The following SPOCK1 variants were observed in gnomAD, a reference collection of about 807,000 sequenced individuals.
The protein encoded by SPOCK1 is SPARC (osteonectin), cwcv and kazal like domains proteoglycan 1.
In SPOCK1, 23 loss-of-function variants were observed where a neutral mutation model predicts 55.3. That is an observed-to-expected ratio of 0.42 (90% CI 0.30 to 0.59). The LOEUF is 0.59. Among genes scored for constraint, SPOCK1 ranks in the 20% least tolerant of loss-of-function variants. The probability of loss-of-function intolerance (pLI) is 0.22; values close to 1 mark genes in which losing one functional copy is unlikely to be tolerated. For missense variants in SPOCK1, 499 were observed against 552.5 expected (o/e 0.90, Z 0.97); for synonymous variants, 226 against 221.0 (o/e 1.02, Z -0.20).
At chr5:137,394,442 C>A (rs1198272007) in intron 2 of SPOCK1, among the ~76,000 whole-genome samples, 1 of 152,204 alleles carries the variant, frequency 6.6e-6, no homozygotes, top group African/African-American at 2.4e-5. Context: ...CTTAGTATCA[C>A]AAAGGACAGC....
At chr5:137,223,854 G>T (rs1328722146) in intron 3 of SPOCK1, among the ~76,000 whole-genome samples, 1 of 152,120 alleles carries the variant, frequency 6.6e-6, no homozygotes, top group African/African-American at 2.4e-5. Flanking sequence ...AGGGTCATTT[G>T]TGGGCATCAG....
At chr5:137,027,517 G>T (rs980868621) in intron 6 of SPOCK1, among the ~76,000 whole-genome samples, 4 of 152,140 alleles carry the variant, frequency 2.6e-5, no homozygotes, top group African/African-American at 9.7e-5. Flanking sequence ...TCATGTGTGG[G>T]CTATTGAGTA....
chr5:136,998,248 T>G (rs538201234), intron 6 of SPOCK1, among the ~76,000 whole-genome samples: 1 of 152,342 alleles, frequency 6.6e-6, no homozygotes, highest in East Asian at 1.9e-4. Flanking sequence ...CATGGGTCAG[T>G]AGAAGTCCAA....
At chr5:137,450,828 A>G (rs1276010044) in intron 2 of SPOCK1, among the ~76,000 whole-genome samples, 1 of 151,632 alleles carries the variant, frequency 6.6e-6, no homozygotes, top group African/African-American at 2.4e-5. Flanking sequence ...TTCTATCTCC[A>G]TGCTGCATCC....
chr5:137,098,470 A>G (rs12332450), intron 5 of SPOCK1, among the ~76,000 whole-genome samples: 49,078 of 152,108 alleles, frequency 0.32, 8,153 homozygotes, highest in African/African-American at 0.38. Context: ...GATGACTTTA[A>G]AGAGACCACC....
intron 2 of SPOCK1, among the ~76,000 whole-genome samples, chr5:137,323,372 A>AT (rs1386226029): frequency 6.6e-6 from 1 of 152,228 alleles, no homozygotes; most frequent in Non-Finnish European, 1.5e-5. Context: ...CAGGGTGGTC[A>AT]TATGTATTCA....
At chr5:137,194,933 G>C (rs1158064693) in intron 3 of SPOCK1, among the ~76,000 whole-genome samples, 6 of 152,148 alleles carry the variant, frequency 3.9e-5, no homozygotes, top group Non-Finnish European at 8.8e-5. Flanking sequence ...GTCTGGTCAG[G>C]CTCCACAGGT....
At chr5:137,317,249 A>C (rs1159522032) in intron 2 of SPOCK1, among the ~76,000 whole-genome samples, 2 of 152,232 alleles carry the variant, frequency 1.3e-5, no homozygotes, top group Non-Finnish European at 2.9e-5. Flanking sequence ...AGAAATGTTC[A>C]GTCAAGAAGC....
chr5:137,265,665 C>T (rs559358307), intron 3 of SPOCK1, among the ~76,000 whole-genome samples: 4 of 152,192 alleles, frequency 2.6e-5, no homozygotes, highest in East Asian at 3.9e-4. Context: ...AGAATAATTC[C>T]GTTACCACTC....
intron 3 of SPOCK1, among the ~76,000 whole-genome samples, chr5:137,150,348 G>A (rs1254655276): frequency 6.6e-6 from 1 of 152,030 alleles, no homozygotes; most frequent in Admixed American, 6.6e-5. Context: ...GTAAGGGCTG[G>A]GAATAAAGGA....
At chr5:137,397,313 T>A (rs1179196306) in intron 2 of SPOCK1, among the ~76,000 whole-genome samples, 1 of 152,198 alleles carries the variant, frequency 6.6e-6, no homozygotes, top group South Asian at 2.1e-4. Context: ...TGGGTATGTG[T>A]GGATGCCAGT....
At chr5:137,032,958 T>C (rs369398048) in intron 6 of SPOCK1, among the ~76,000 whole-genome samples, 7 of 152,122 alleles carry the variant, frequency 4.6e-5, no homozygotes, top group African/African-American at 1.4e-4. Context: ...GAAGAAGAGA[T>C]GCACAAGAAC....
chr5:137,357,532 G>A (rs1420555932), intron 2 of SPOCK1, among the ~76,000 whole-genome samples: 1 of 152,166 alleles, frequency 6.6e-6, no homozygotes, highest in African/African-American at 2.4e-5. Context: ...GGTCAGGGAA[G>A]GCTACGCAGA....
chr5:137,129,280 T>C (rs539443573), intron 4 of SPOCK1, among the ~76,000 whole-genome samples: 1 of 152,340 alleles, frequency 6.6e-6, no homozygotes, highest in South Asian at 2.1e-4. Context: ...GGCTGTTCCC[T>C]CCACTGAGAA....
chr5:137,061,127 G>A (rs768967186), intron 6 of SPOCK1, among the ~76,000 whole-genome samples: 1 of 152,170 alleles, frequency 6.6e-6, no homozygotes, highest in African/African-American at 2.4e-5. Context: ...TAAATTCCAA[G>A]TTTGCAAGCC....
chr5:137,019,248 T>G (rs1167386917), intron 6 of SPOCK1, among the ~76,000 whole-genome samples: 1 of 152,118 alleles, frequency 6.6e-6, no homozygotes, highest in African/African-American at 2.4e-5. Context: ...TTATAAAATA[T>G]CAAAAAGTAT....
chr5:137,084,367 T>C (rs1752923669), intron 5 of SPOCK1, among the ~76,000 whole-genome samples: 1 of 151,996 alleles, frequency 6.6e-6, no homozygotes, highest in Non-Finnish European at 1.5e-5. Flanking sequence ...GCCAGGGCAG[T>C]GCACTGCCTA....
rs201332168 is a variant in SPOCK1, at chr5:137,054,644, GC to G, written c.589+13070del. 9.1e-3 allele frequency among the ~76,000 whole-genome samples: 1,383 copies of G among 152,260 alleles called. 19 individuals carry two copies. The highest frequency in any genetic ancestry group is 0.032 in the African/African-American group (1,312 of 41,544). On this transcript the variant is annotated intron_variant, in intron 6 of 10. Transcript: ENST00000394945. ...GGAAAGCCACCCAGAGAATTTAGAG[GC>G]CAACTTGAATCAGAAGTCTTGGAGT... is the stretch of plus-strand genomic sequence containing the variant.
intron 2 of SPOCK1, among the ~76,000 whole-genome samples, chr5:137,389,697 C>T (rs1047930627): frequency 2.0e-5 from 3 of 152,236 alleles, no homozygotes; most frequent in Admixed American, 1.3e-4. Context: ...CTCCAAGATG[C>T]TGAGGAACAG....
Sources: allele counts gnomAD v4.1 joint callset (sites outside exome capture counted in the v4.1 genomes callset), GRCh38; gene constraint gnomAD v4.1.1; transcripts MANE v1.5; gene names NCBI Gene and HGNC (gene_info 2026-07-23, HGNC 2026-07-21).